JMY: variants seen among roughly 807,000 people sequenced by gnomAD.
JMY encodes the protein junction-mediating and -regulatory protein.
Under a neutral mutation model 103.3 loss-of-function variants are expected in JMY, and 46 were observed. The observed-to-expected ratio is 0.45, with a 90% CI of 0.35 to 0.57. JMY has a LOEUF of 0.57. Among genes scored for constraint, JMY ranks in the 20% least tolerant of loss-of-function variants. The probability of loss-of-function intolerance (pLI) is 0.00; values close to 1 mark genes in which losing one functional copy is unlikely to be tolerated. For synonymous variants in JMY, 526 were observed against 489.3 expected (o/e 1.07, Z -0.99); for missense variants, 1,238 against 1,255.2 (o/e 0.99, Z 0.21).
chr5:79,249,838 C>A (rs1312613232), intron 1 of JMY, among the ~76,000 whole-genome samples: 1 of 152,088 alleles, frequency 6.6e-6, no homozygotes, highest in Non-Finnish European at 1.5e-5. Context: ...GAGTAGAGGC[C>A]ATGTGGGGCA....
chr5:79,312,320 T>G, intron 7 of JMY, 83 bp from the exon 8 acceptor site: 5 of 791,096 alleles, frequency 6.3e-6, no homozygotes, highest in Non-Finnish European at 9.5e-6. Flanking sequence ...TTGGCCCACA[T>G]TAGGATAACT....
At chr5:79,265,167 G>T (rs569865449) in intron 1 of JMY, among the ~76,000 whole-genome samples, 4 of 152,038 alleles carry the variant, frequency 2.6e-5, no homozygotes, top group Non-Finnish European at 5.9e-5. Flanking sequence ...CTCGTGATCC[G>T]CCCGCCTTGG....
intron 1 of JMY, among the ~76,000 whole-genome samples, chr5:79,252,111 A>C (rs1008248308): frequency 2.0e-5 from 3 of 152,156 alleles, no homozygotes; most frequent in Admixed American, 6.5e-5. Flanking sequence ...TATAGCTATA[A>C]GTTTCCCTCT....
At chr5:79,241,002 C>T (rs1242363529) in intron 1 of JMY, among the ~76,000 whole-genome samples, 2 of 152,164 alleles carry the variant, frequency 1.3e-5, no homozygotes, top group Non-Finnish European at 1.5e-5. Context: ...TGTTAGAATG[C>T]TTAGTCCTTT....
intron 6 of JMY, among the ~76,000 whole-genome samples, chr5:79,301,299 T>G (rs918693636): frequency 3.9e-5 from 6 of 152,184 alleles, no homozygotes; most frequent in African/African-American, 1.4e-4. Context: ...TTCCTGTGTC[T>G]TAAAAAATGT....
chr5:79,318,912 A>G (rs1418592718), intron 10 of JMY, among the ~76,000 whole-genome samples: 1 of 152,100 alleles, frequency 6.6e-6, no homozygotes, highest in Non-Finnish European at 1.5e-5. Flanking sequence ...TCTTACTACC[A>G]TGTGTTGTTT....
At chr5:79,282,445 CAAT>C (rs1315426367) in intron 2 of JMY, among the ~76,000 whole-genome samples, 1 of 152,036 alleles carries the variant, frequency 6.6e-6, no homozygotes, top group Non-Finnish European at 1.5e-5. Flanking sequence ...AGTTATATCT[CAAT>C]AAACGTGATT....
At chr5:79,257,394 A>C (rs1190484832) in intron 1 of JMY, among the ~76,000 whole-genome samples, 1 of 152,112 alleles carries the variant, frequency 6.6e-6, no homozygotes, top group African/African-American at 2.4e-5. Flanking sequence ...CTTGAGTCCA[A>C]GAGTTCAAGA....
intron 3 of JMY, among the ~76,000 whole-genome samples, chr5:79,290,667 A>C (rs559221042): frequency 6.6e-6 from 1 of 152,320 alleles, no homozygotes; most frequent in East Asian, 1.9e-4. Flanking sequence ...TGAAGACATT[A>C]GAATCTAAGA....
Position 79,258,305 on chromosome 5 carries a change from G to GTTTTTTTTTTTTTTTTTTTTTTTTT in JMY, c.1033-19600_1033-19599insTTTTTTTTTTTTTTTTTTTTTTTTT, listed in dbSNP as rs199879072. Reference sequence around the variant, plus strand: ...AAATTCAGATATTAGGGCTTTTTTTGTTTTTGTTGTTTTTTTTTTTTTTTT... The same window carrying GTTTTTTTTTTTTTTTTTTTTTTTTT: ...AAATTCAGATATTAGGGCTTTTTTTGTTTTTTTTTTTTTTTTTTTTTTTTTTTTTTGTTGTTTTTTTTTTTTTTTT... On this transcript the variant is annotated intron_variant, in intron 1 of 10. Coordinates refer to ENST00000396137, the MANE Select transcript of JMY (RefSeq NM_152405.5). 1.7e-5 allele frequency among the ~76,000 whole-genome samples: 2 copies of GTTTTTTTTTTTTTTTTTTTTTTTTT among 117,026 alleles called. 1 individual carries two copies. 76.8% of individuals were successfully genotyped at this position (117,026 alleles called of 152,430 possible). A position where few individuals can be genotyped will look rare whatever the true frequency, so the allele number is the denominator to read the frequency against.
At chr5:79,241,072 C>CT (rs1457677074) in intron 1 of JMY, among the ~76,000 whole-genome samples, 4 of 152,028 alleles carry the variant, frequency 2.6e-5, no homozygotes, top group African/African-American at 7.2e-5. Context: ...ATTTTTTGGT[C>CT]TTTTTTCCTA....
Position 79,254,112 on chromosome 5 carries a change from A to T in JMY, c.1032+16430A>T, listed in dbSNP as rs1223062487. Reference sequence around the variant, plus strand: ...CAGGTGCCCACCACCACGCCCAGCTATTTTTTTTTTTTTTGTATTTTTAGT... The same window carrying T: ...CAGGTGCCCACCACCACGCCCAGCTTTTTTTTTTTTTTTTGTATTTTTAGT... On this transcript the variant is annotated intron_variant, in intron 1 of 10. Transcript: ENST00000396137. Among the ~76,000 whole-genome samples, 11 of 140,286 alleles carry T rather than the reference A, an allele frequency of 7.8e-5. No homozygotes were observed. The East Asian group carries it at 1.9e-3, about 24-fold the overall frequency. The allele number at this position is 140,286 out of a possible 152,430, so 92.0% of individuals were successfully genotyped here. A position where few individuals can be genotyped will look rare whatever the true frequency, so the allele number is the denominator to read the frequency against.
intron 2 of JMY, among the ~76,000 whole-genome samples, chr5:79,285,234 G>A (rs1746232857): frequency 6.6e-6 from 1 of 152,070 alleles, no homozygotes; most frequent in African/African-American, 2.4e-5. Flanking sequence ...AACCCCCAGG[G>A]CAAGTCTGTA....
At chr5:79,238,040 C>A (rs539252343) in intron 1 of JMY, among the ~76,000 whole-genome samples, 2 of 152,138 alleles carry the variant, frequency 1.3e-5, no homozygotes, top group Non-Finnish European at 2.9e-5. Context: ...AATAACTGCC[C>A]AGATGTCAAC....
chr5:79,308,569 C>CT (rs1467435506), intron 7 of JMY, among the ~76,000 whole-genome samples: 1 of 152,114 alleles, frequency 6.6e-6, no homozygotes, highest in Non-Finnish European at 1.5e-5. Context: ...TCATCTAGGT[C>CT]TTTTGCCTCT....
chr5:79,270,416 AAT>A (rs1234700775), intron 1 of JMY, among the ~76,000 whole-genome samples: 2 of 91,884 alleles, frequency 2.2e-5, no homozygotes, highest in East Asian at 2.5e-4. Flanking sequence ...AAATATTTAA[AAT>A]ATATATTTAC....
chr5:79,311,363 A>G (rs1011381511), intron 7 of JMY, among the ~76,000 whole-genome samples: 1 of 152,154 alleles, frequency 6.6e-6, no homozygotes, highest in Admixed American at 6.5e-5. Flanking sequence ...TTATGATACA[A>G]TCACCCAATG....
intron 10 of JMY, among the ~76,000 whole-genome samples, chr5:79,319,468 G>A (rs1747365955): frequency 6.6e-6 from 1 of 152,142 alleles, no homozygotes; most frequent in Admixed American, 6.5e-5. Context: ...TCACTACTTT[G>A]TGATCATGGA....
intron 1 of JMY, among the ~76,000 whole-genome samples, chr5:79,257,048 A>T (rs1274442745): frequency 2.0e-5 from 3 of 149,386 alleles, no homozygotes; most frequent in African/African-American, 4.9e-5. Context: ...TCCTTATTTT[A>T]TTATTATTAT....
Sources: gnomAD v4.1 joint callset for allele counts (sites outside exome capture counted in the v4.1 genomes callset) on GRCh38, gnomAD v4.1.1 for gene constraint, MANE v1.5 for transcripts, NCBI Gene and HGNC (gene_info 2026-07-23, HGNC 2026-07-21) for gene names.